The following AGAP1 variants were observed in gnomAD, a reference collection of about 807,000 sequenced individuals.
AGAP1 encodes ArfGAP with GTPase domain, ankyrin repeat and PH domain 1, also known as arf-GAP with GTPase, ANK repeat and PH domain-containing protein 1.
A neutral mutation model predicts 105.3 loss-of-function variants in AGAP1; 29 were observed. The ratio of observed to expected loss-of-function variants is 0.28; its 90% CI spans 0.21 to 0.38. The LOEUF is 0.38. Among genes scored for constraint, AGAP1 ranks in the 10% least tolerant of loss-of-function variants. AGAP1 has a pLI of 1.00. For missense variants in AGAP1, 998 were observed against 1,165.1 expected, an observed-to-expected ratio of 0.86 and a Z score of 2.09; for synonymous variants, 509 against 485.9, an observed-to-expected ratio of 1.05 and a Z score of -0.63.
Position 236,040,277 on chromosome 2 carries a change from A to G in AGAP1, c.1801-474A>G, listed in dbSNP as rs1456948574. 6.6e-5 allele frequency among the ~76,000 whole-genome samples: 10 copies of G among 152,168 alleles called. No individual in the cohort carries two copies. Among genetic ancestry groups the G allele is most frequent in the Non-Finnish European group, 1.5e-5 (1 of 68,038 alleles). On this transcript the variant is annotated intron_variant, in intron 14 of 17. Coordinates refer to ENST00000304032, the MANE Select transcript of AGAP1 (RefSeq NM_001037131.3). The surrounding 1 kb of genome is among the most constrained non-coding windows in gnomAD (Gnocchi z 5.6). ...TCTTCAGATGACATGTGCATCTCCCAGGGTGACGTGTGGTATGAATGGGGT... is the reference window on the plus strand; with the variant it reads ...TCTTCAGATGACATGTGCATCTCCCGGGGTGACGTGTGGTATGAATGGGGT...
chr2:235,851,516 G>A (rs1305207919), intron 9 of AGAP1, among the ~76,000 whole-genome samples: 2 of 152,154 alleles, frequency 1.3e-5, no homozygotes, highest in Non-Finnish European at 2.9e-5. Context: ...TTAAAGCAAA[G>A]TGTATTGTGT....
intron 13 of AGAP1, 74 bp downstream of exon 13, chr2:235,968,697 A>T (rs1292305780): frequency 2.1e-6 from 3 of 1,437,410 alleles, no homozygotes; most frequent in Non-Finnish European, 2.9e-6. Context: ...AATGCGTGAA[A>T]TTAGACACCC....
Position 235,769,945 on chromosome 2 carries a change from A to G in AGAP1, c.673+19457A>G, listed in dbSNP as rs1955288618. On this transcript the variant is annotated intron_variant, in intron 6 of 17. Transcript: ENST00000304032. The surrounding 1 kb of genome is among the most constrained non-coding windows in gnomAD (Gnocchi z 4.4). ...TTTCTATTAAGATACACACTTATGTATGTTTCATATATTAGCAAGTGTATC... is the reference window on the plus strand; with the variant it reads ...TTTCTATTAAGATACACACTTATGTGTGTTTCATATATTAGCAAGTGTATC... 6.6e-6 allele frequency among the ~76,000 whole-genome samples: 1 copy of G among 152,222 alleles called. No individual in the cohort carries two copies. The highest frequency in any genetic ancestry group is 6.5e-5 in the Admixed American group (1 of 15,288).
intron 1 of AGAP1, among the ~76,000 whole-genome samples, chr2:235,545,287 A>T (rs1281300149): frequency 1.3e-5 from 2 of 152,228 alleles, no homozygotes; most frequent in Admixed American, 1.3e-4. Flanking sequence ...TCGGTGAAAC[A>T]CAGCTTAATT....
intron 16 of AGAP1, among the ~76,000 whole-genome samples, chr2:236,081,926 G>T (rs939000087): frequency 3.9e-5 from 6 of 152,144 alleles, no homozygotes; most frequent in African/African-American, 1.4e-4. Context: ...TCCCTGGAAC[G>T]AGAAAGGGGG....
intron 1 of AGAP1, among the ~76,000 whole-genome samples, chr2:235,646,122 A>G (rs1947374631): frequency 6.6e-6 from 1 of 152,066 alleles, no homozygotes; most frequent in African/African-American, 2.4e-5. Flanking sequence ...TGAAAATACA[A>G]AAATTAGCTG....
In AGAP1 at chr2:235,976,780, C is replaced by T. The variant is rs144903959; in HGVS notation, c.1645+8157C>T. 1.6e-4 allele frequency among the ~76,000 whole-genome samples: 25 copies of T among 152,164 alleles called. No individual in the cohort carries two copies. Among genetic ancestry groups the T allele is most frequent in the African/African-American group, 6.0e-4 (25 of 41,530 alleles). ...TGCCTGGAGGACCTCAGGGAGGTTCCCCAAAGGGGAGTAGACACTCACACA... is the reference window on the plus strand; with the variant it reads ...TGCCTGGAGGACCTCAGGGAGGTTCTCCAAAGGGGAGTAGACACTCACACA... On this transcript the variant is annotated intron_variant, in intron 13 of 17. Transcript: ENST00000304032. This position sits in a 1 kb window ranked among gnomAD's most constrained non-coding sequence, Gnocchi z 4.5.
chr2:235,593,806 A>G lies in AGAP1; in HGVS notation c.163+98957A>G, dbSNP rs1186979774. Among the ~76,000 whole-genome samples the G allele has an allele frequency of 2.6e-5, 4 of 152,052 alleles. No homozygotes were observed. In the East Asian group the frequency reaches 7.7e-4, roughly 29 times the overall value. ...TAGTGAGACCCACATCTCTAAAAAC[A>G]AAAAATACAAAAATTAGCTGGGCAT... On this transcript the variant is annotated intron_variant, in intron 1 of 17. Coordinates refer to ENST00000304032, the MANE Select transcript of AGAP1 (RefSeq NM_001037131.3).
intron 1 of AGAP1, among the ~76,000 whole-genome samples, chr2:235,597,651 C>T (rs1274861976): frequency 1.3e-5 from 2 of 152,342 alleles, no homozygotes; most frequent in South Asian, 2.1e-4. Context: ...TTTGTTCTAA[C>T]GTTGGTGATG....
At position 235,889,018 on chromosome 2, in the gene AGAP1, C is replaced by G. The variant is rs2050399120; in HGVS notation, c.1155+5569C>G. Among the ~76,000 whole-genome samples, 1 of 152,150 alleles carries G rather than the reference C, an allele frequency of 6.6e-6. No homozygotes were observed. The highest frequency in any genetic ancestry group is 1.5e-5 in the Non-Finnish European group (1 of 68,034). On this transcript the variant is annotated intron_variant, in intron 10 of 17. Coordinates refer to ENST00000304032, the MANE Select transcript of AGAP1 (RefSeq NM_001037131.3). The surrounding 1 kb of genome is among the most constrained non-coding windows in gnomAD (Gnocchi z 4.6). ...CTCCCTGAAGAGGTCATTTCTGTTC[C>G]TGAGGTATCTGAACACAGTTTGCTT...
At chr2:235,634,342 TGTG>T (rs1456112566) in intron 1 of AGAP1, among the ~76,000 whole-genome samples, 1 of 152,210 alleles carries the variant, frequency 6.6e-6, no homozygotes, top group Non-Finnish European at 1.5e-5. Context: ...GCAGCACTGT[TGTG>T]GTGATAATTA....
intron 16 of AGAP1, among the ~76,000 whole-genome samples, chr2:236,098,918 C>T (rs1290011382): frequency 6.6e-6 from 1 of 151,754 alleles, no homozygotes; most frequent in Non-Finnish European, 1.5e-5. Context: ...CCCACCTGGC[C>T]CTAAAAGCCC....
chr2:235,779,523 G>GA (rs1956126547), intron 6 of AGAP1, among the ~76,000 whole-genome samples: 1 of 152,200 alleles, frequency 6.6e-6, no homozygotes, highest in African/African-American at 2.4e-5. Flanking sequence ...TCAGCACTCA[G>GA]AACCCGCTGG....
At chr2:235,832,301 A>G (rs1044967690) in intron 9 of AGAP1, among the ~76,000 whole-genome samples, 1 of 151,930 alleles carries the variant, frequency 6.6e-6, no homozygotes, top group Non-Finnish European at 1.5e-5. Context: ...CCTCCTAATA[A>G]TTGTTCTCCT....
Position 236,001,088 on chromosome 2 carries a change from G to A in AGAP1, c.1645+32465G>A, listed in dbSNP as rs1180261873. On this transcript the variant is annotated intron_variant, in intron 13 of 17. Transcript: ENST00000304032. The surrounding 1 kb of genome is among the most constrained non-coding windows in gnomAD (Gnocchi z 4.7). ...AGATGTCATTAGCTATACAGGAGGG[G>A]AGGGGATGGACCCTCAGAGGCGAGA... Among the ~76,000 whole-genome samples, 9 of 152,216 alleles carry A rather than the reference G, an allele frequency of 5.9e-5. No individual in the cohort carries two copies. The highest frequency in any genetic ancestry group is 5.9e-4 in the Admixed American group (9 of 15,280).
chr2:235,773,555 A>G (rs1241328493), intron 6 of AGAP1, among the ~76,000 whole-genome samples: 1 of 152,154 alleles, frequency 6.6e-6, no homozygotes, highest in Admixed American at 6.5e-5. Context: ...AGGTGTGGAA[A>G]GTTGGGGTTT....
At position 235,959,105 on chromosome 2, in the gene AGAP1, G is replaced by A. The variant is rs1330682991; in HGVS notation, c.1484-9357G>A. Among the ~76,000 whole-genome samples, 5 of 152,174 alleles carry A rather than the reference G, an allele frequency of 3.3e-5. No individual in the cohort carries two copies. The highest frequency in any genetic ancestry group is 2.1e-4 in the South Asian group (1 of 4,826). On this transcript the variant is annotated intron_variant, in intron 12 of 17. Transcript: ENST00000304032. The surrounding 1 kb of genome is among the most constrained non-coding windows in gnomAD (Gnocchi z 7.3). ...TTAGATGTGGAGTAATGAGGCGCTCGCTTTTTTAATTTGGCATGGCTTTTT... is the reference window on the plus strand; with the variant it reads ...TTAGATGTGGAGTAATGAGGCGCTCACTTTTTTAATTTGGCATGGCTTTTT...
At chr2:235,818,207 T>C (rs1245702356) in intron 9 of AGAP1, among the ~76,000 whole-genome samples, 1 of 152,230 alleles carries the variant, frequency 6.6e-6, no homozygotes, top group Non-Finnish European at 1.5e-5. Context: ...GGTTGCTTCA[T>C]CACAGGACCT....
chr2:236,033,352 C>G (rs553862317), intron 13 of AGAP1, among the ~76,000 whole-genome samples: 1 of 152,292 alleles, frequency 6.6e-6, no homozygotes, highest in Admixed American at 6.5e-5. Context: ...TGAACACTTA[C>G]ATGTATTTGT....
Sources: gnomAD v4.1 joint callset for allele counts (sites outside exome capture counted in the v4.1 genomes callset) on GRCh38, gnomAD v4.1.1 for gene constraint, Gnocchi (gnomAD v3.1) non-coding constraint, MANE v1.5 for transcripts, NCBI Gene and HGNC (gene_info 2026-07-23, HGNC 2026-07-21) for gene names.